The following RSU1 variants were observed in gnomAD, a reference collection of about 807,000 sequenced individuals.
The protein encoded by RSU1 is rsu-1.
In RSU1, 26 loss-of-function variants were observed where a neutral mutation model predicts 31.1. The observed-to-expected ratio is 0.84, with a 90% CI of 0.61 to 1.16. The LOEUF (loss-of-function observed/expected upper bound fraction) is 1.16. Ranked by LOEUF, RSU1 falls within the 50% of genes most tolerant of loss-of-function variation. The pLI, the probability that RSU1 is intolerant of heterozygous loss-of-function variation, is 0.00. For missense variants in RSU1, 320 were observed against 339.1 expected (o/e 0.94, Z 0.44); for synonymous variants, 164 against 136.3 (o/e 1.20, Z -1.41).
At position 16,663,958 on chromosome 10, in the gene RSU1, G is replaced by A. The variant is rs545935370; in HGVS notation, c.731+31065C>T. ...AGTGGGGTCTTTCTTGGGCAGTGACGGGTACAGGGGCATTTTCAAAGAAGA... is the reference window on the plus strand; with the variant it reads ...AGTGGGGTCTTTCTTGGGCAGTGACAGGTACAGGGGCATTTTCAAAGAAGA... On this transcript the variant is annotated intron_variant, in intron 8 of 8. Coordinates refer to ENST00000345264, the MANE Select transcript of RSU1 (RefSeq NM_012425.4). 1.4e-4 allele frequency among the ~76,000 whole-genome samples: 21 copies of A among 152,192 alleles called. No individual in the cohort carries two copies. In the South Asian group the frequency reaches 1.7e-3, roughly 12 times the overall value.
At chr10:16,792,206 A>G (rs924243641) in intron 2 of RSU1, among the ~76,000 whole-genome samples, 5 of 152,190 alleles carry the variant, frequency 3.3e-5, no homozygotes, top group Admixed American at 1.3e-4. Flanking sequence ...AAAGCCACTA[A>G]AAAGGCCTTT....
intron 2 of RSU1, among the ~76,000 whole-genome samples, chr10:16,792,880 G>C (rs7099116): frequency 0.22 from 33,204 of 152,134 alleles, 3,784 homozygotes; most frequent in Middle Eastern, 0.26. Flanking sequence ...AAGCTGGCCA[G>C]ATGTCAGCAC....
intron 3 of RSU1, 116 bp downstream of exon 3, chr10:16,781,918 G>T (rs1837659419): frequency 4.6e-6 from 4 of 874,648 alleles, no homozygotes; most frequent in East Asian, 2.4e-5. Flanking sequence ...GTAAACTAAG[G>T]TTTCTGCAAA....
At chr10:16,606,864 C>T (rs1833814650) in intron 8 of RSU1, among the ~76,000 whole-genome samples, 1 of 152,174 alleles carries the variant, frequency 6.6e-6, no homozygotes, top group African/African-American at 2.4e-5. Context: ...CACTGATATT[C>T]CTCCTCCTCT....
At chr10:16,671,679 G>A (rs1277707975) in intron 8 of RSU1, among the ~76,000 whole-genome samples, 1 of 151,898 alleles carries the variant, frequency 6.6e-6, no homozygotes, top group Admixed American at 6.6e-5. Context: ...AGGCTGGAGG[G>A]CAGTGGCGCG....
intron 2 of RSU1, among the ~76,000 whole-genome samples, chr10:16,802,067 A>G (rs918412856): frequency 6.6e-6 from 1 of 151,968 alleles, no homozygotes; most frequent in African/African-American, 2.4e-5. Context: ...ACAGAAAAAT[A>G]TTAATAAAAA....
At chr10:16,805,078 G>A (rs1369245428) in intron 2 of RSU1, among the ~76,000 whole-genome samples, 4 of 152,140 alleles carry the variant, frequency 2.6e-5, no homozygotes, top group Non-Finnish European at 1.5e-5. Context: ...GCGCCTGCCT[G>A]TAATCCCAGC....
chr10:16,647,996 T>C (rs1219751658), intron 8 of RSU1, among the ~76,000 whole-genome samples: 2 of 152,026 alleles, frequency 1.3e-5, no homozygotes, highest in African/African-American at 4.8e-5. Flanking sequence ...TCACCCAGGC[T>C]GGAGTGTGGT....
chr10:16,667,455 G>A (rs902627616), intron 8 of RSU1, among the ~76,000 whole-genome samples: 1 of 151,920 alleles, frequency 6.6e-6, no homozygotes, highest in Non-Finnish European at 1.5e-5. Context: ...CAATTAAATA[G>A]TACCATAAAA....
At chr10:16,753,477 T>C (rs1837020596) in intron 5 of RSU1, among the ~76,000 whole-genome samples, 1 of 152,204 alleles carries the variant, frequency 6.6e-6, no homozygotes, top group Admixed American at 6.5e-5. Flanking sequence ...AATGGAAGGC[T>C]TTCTGGTGAT....
At chr10:16,616,068 C>A (rs1284185327) in intron 8 of RSU1, among the ~76,000 whole-genome samples, 2 of 151,924 alleles carry the variant, frequency 1.3e-5, no homozygotes. Context: ...TTTAAAAAAA[C>A]CAGTAAACCC....
intron 8 of RSU1, among the ~76,000 whole-genome samples, chr10:16,596,300 G>T (rs1450146972): frequency 6.6e-6 from 1 of 152,200 alleles, no homozygotes; most frequent in African/African-American, 2.4e-5. Flanking sequence ...CTCAACCCGT[G>T]TTCCTCCTCC....
chr10:16,701,418 T>C (rs1835790569), intron 7 of RSU1, among the ~76,000 whole-genome samples: 1 of 152,220 alleles, frequency 6.6e-6, no homozygotes, highest in Non-Finnish European at 1.5e-5. Context: ...GGATGTCTCA[T>C]GACAGCTCTC....
chr10:16,613,624 A>G (rs1395098320), intron 8 of RSU1, among the ~76,000 whole-genome samples: 1 of 152,244 alleles, frequency 6.6e-6, no homozygotes, highest in Non-Finnish European at 1.5e-5. Context: ...TTGTGATTTT[A>G]GGGCAGACTT....
chr10:16,696,642 T>C (rs1835681505), intron 7 of RSU1, among the ~76,000 whole-genome samples: 1 of 152,202 alleles, frequency 6.6e-6, no homozygotes, highest in African/African-American at 2.4e-5. Flanking sequence ...AGATTATCAA[T>C]ATTGTCAATT....
intron 8 of RSU1, among the ~76,000 whole-genome samples, chr10:16,664,734 T>C (rs1834956276): frequency 6.6e-6 from 1 of 152,208 alleles, no homozygotes; most frequent in Non-Finnish European, 1.5e-5. Flanking sequence ...TAAAGAGTTG[T>C]ACAACTTTTC....
chr10:16,782,034 T>A lies in RSU1; in HGVS notation c.160A>T (p.Met54Leu). Residue 54 changes from methionine to leucine, a missense_variant and splice_region_variant, in exon 3 of 9, where the codon ATG (methionine) becomes TTG (leucine). Physicochemically the swap from Met to Leu is conservative, Grantham distance 15. Coordinates refer to ENST00000345264, the MANE Select transcript of RSU1 (RefSeq NM_012425.4). ...QLVLSHNKLT[M>L]VPPNIAELKN... ...GTAACAAATGAGAAACATCACTTAC[T>A]TGTTAGCTTGTTATGGCTGAGGACC... The A allele has an allele frequency of 1.2e-6, 2 of 1,613,080 alleles. No homozygotes were observed. The highest frequency in any genetic ancestry group is 1.1e-5 in the South Asian group (1 of 90,976).
intron 7 of RSU1, among the ~76,000 whole-genome samples, chr10:16,725,610 C>G (rs913785171): frequency 6.6e-6 from 1 of 151,808 alleles, no homozygotes; most frequent in African/African-American, 2.4e-5. Context: ...AAGTTCATTC[C>G]TCTTGCCCTT....
intron 7 of RSU1, among the ~76,000 whole-genome samples, chr10:16,727,386 A>G (rs1836420969): frequency 6.6e-6 from 1 of 152,206 alleles, no homozygotes; most frequent in South Asian, 2.1e-4. Flanking sequence ...TCACGACCAC[A>G]GTGAAGGCCA....
Sources: gnomAD v4.1 joint callset for allele counts (sites outside exome capture counted in the v4.1 genomes callset) on GRCh38, gnomAD v4.1.1 for gene constraint, MANE v1.5 for transcripts, NCBI Gene and HGNC (gene_info 2026-07-23, HGNC 2026-07-21) for gene names.